The following CDC14B variants were observed in gnomAD, a reference collection of about 807,000 sequenced individuals.
CDC14B encodes dual specificity protein phosphatase CDC14B.
Under a neutral mutation model 64.2 loss-of-function variants are expected in CDC14B, and 22 were observed. That is an observed-to-expected ratio of 0.34 (90% confidence interval 0.24 to 0.49). The LOEUF (loss-of-function observed/expected upper bound fraction) is 0.49. CDC14B is among the 20% of genes least tolerant of loss of function. The pLI is 0.99. For missense variants in CDC14B, 498 were observed against 629.9 expected (o/e 0.79, Z 2.24); for synonymous variants, 191 against 215.8 (o/e 0.89, Z 1.01).
chr9:96,577,863 C>A (rs2118229102), intron 1 of CDC14B, among the ~76,000 whole-genome samples: 1 of 152,200 alleles, frequency 6.6e-6, no homozygotes, highest in South Asian at 2.1e-4. Context: ...TTATAATAGG[C>A]AAACACTGAA....
chr9:96,495,227 G>C (rs2131179871), downstream of CDC14B, among the ~76,000 whole-genome samples: 1 of 152,300 alleles, frequency 6.6e-6, no homozygotes, highest in South Asian at 2.1e-4. Context: ...AGGAGTGCCT[G>C]CCATGTGGCA....
At chr9:96,614,020 CCATTA>C (rs933703994) in intron 1 of CDC14B, among the ~76,000 whole-genome samples, 3 of 152,054 alleles carry the variant, frequency 2.0e-5, no homozygotes, top group African/African-American at 7.2e-5. Flanking sequence ...CAATATATCA[CCATTA>C]ATTAGTGCTT....
chr9:96,599,110 T>A (rs1846264827), intron 1 of CDC14B, among the ~76,000 whole-genome samples: 1 of 152,344 alleles, frequency 6.6e-6, no homozygotes, highest in Admixed American at 6.5e-5. Flanking sequence ...CCGGGTGTGG[T>A]GGCTCACACC....
chr9:96,603,028 C>G (rs566413948), intron 1 of CDC14B, among the ~76,000 whole-genome samples: 1 of 152,090 alleles, frequency 6.6e-6, no homozygotes, highest in East Asian at 1.9e-4. Flanking sequence ...GAAGCTTAAC[C>G]ATCCGTTAAG....
intron 4 of CDC14B, among the ~76,000 whole-genome samples, chr9:96,554,233 T>C (rs1353280311): frequency 1.3e-5 from 2 of 152,068 alleles, no homozygotes; most frequent in Non-Finnish European, 2.9e-5. Context: ...AAAAACACCT[T>C]GAAGCCAATA....
chr9:96,518,265 C>G (rs950317489), intron 12 of CDC14B, among the ~76,000 whole-genome samples: 11 of 152,066 alleles, frequency 7.2e-5, no homozygotes, highest in Non-Finnish European at 1.5e-5. Context: ...GCCTGTAATC[C>G]CAGCACTTTA....
intron 12 of CDC14B, chr9:96,514,672 A>G: frequency 1.0e-6 from 1 of 985,472 alleles, no homozygotes; most frequent in Non-Finnish European, 1.2e-6. Context: ...CAAGTCCAAG[A>G]GGAGACAAGA....
Position 96,593,461 on chromosome 9 carries a change from C to T in CDC14B, c.160+25758G>A, listed in dbSNP as rs1016877837. Among the ~76,000 whole-genome samples, 19 of 140,508 alleles carry T rather than the reference C, an allele frequency of 1.4e-4. No individual in the cohort carries two copies. The South Asian group carries it at 3.5e-3, about 26-fold the overall frequency. 92.2% of individuals were successfully genotyped at this position (140,508 alleles called of 152,430 possible). A position where few individuals can be genotyped will look rare whatever the true frequency, so the allele number is the denominator to read the frequency against. ...GAGATGGCACCACTGCACTCCAGAA[C>T]GGGCGACAGAGCAAGACTTGGTCTC... On this transcript the variant is annotated intron_variant, in intron 1 of 13. Coordinates refer to ENST00000375241, the MANE Select transcript of CDC14B (RefSeq NM_033331.4).
chr9:96,582,252 T>C (rs1361064118), intron 1 of CDC14B, among the ~76,000 whole-genome samples: 1 of 152,242 alleles, frequency 6.6e-6, no homozygotes, highest in East Asian at 1.9e-4. Flanking sequence ...AGACCTATGC[T>C]AACATTCTTA....
chr9:96,572,419 G>A (rs1243537301), intron 1 of CDC14B, among the ~76,000 whole-genome samples: 1 of 152,134 alleles, frequency 6.6e-6, no homozygotes, highest in Non-Finnish European at 1.5e-5. Context: ...TGTCAGAATT[G>A]AATAGGAGGA....
intron 9 of CDC14B, among the ~76,000 whole-genome samples, chr9:96,526,017 A>G (rs887497471): frequency 1.3e-5 from 2 of 152,180 alleles, no homozygotes; most frequent in African/African-American, 4.8e-5. Flanking sequence ...CTTTACGGAA[A>G]TAAATAAGGT....
At chr9:96,521,119 G>C (rs1484727103) in intron 12 of CDC14B, among the ~76,000 whole-genome samples, 1 of 152,142 alleles carries the variant, frequency 6.6e-6, no homozygotes, top group East Asian at 1.9e-4. Context: ...ACCCAGGCTG[G>C]AGTGCAATGG....
intron 1 of CDC14B, among the ~76,000 whole-genome samples, chr9:96,588,899 GTGA>G (rs763984161): frequency 1.3e-5 from 2 of 152,194 alleles, no homozygotes; most frequent in Non-Finnish European, 2.9e-5. Context: ...TTATAACAAA[GTGA>G]TGTTTAGCTT....
intron 12 of CDC14B, among the ~76,000 whole-genome samples, chr9:96,519,132 TCTC>T (rs1836252564): frequency 1.3e-5 from 2 of 151,958 alleles, no homozygotes; most frequent in Non-Finnish European, 2.9e-5. Flanking sequence ...CGATACTCTG[TCTC>T]AAAAATAAAA....
intron 1 of CDC14B, among the ~76,000 whole-genome samples, chr9:96,599,918 A>G (rs7869894): frequency 0.2 from 30,558 of 151,846 alleles, 6,540 homozygotes; most frequent in African/African-American, 0.53. Flanking sequence ...TTTCAGTAGA[A>G]ACGGGGTTTC....
At chr9:96,594,560 CAT>C (rs1004705988) in intron 1 of CDC14B, among the ~76,000 whole-genome samples, 2 of 151,652 alleles carry the variant, frequency 1.3e-5, no homozygotes, top group Non-Finnish European at 2.9e-5. Context: ...TTACTGAAAA[CAT>C]AAAAATTGGC....
intron 12 of CDC14B, among the ~76,000 whole-genome samples, chr9:96,519,917 G>A (rs1167653175): frequency 1.3e-5 from 2 of 152,162 alleles, no homozygotes; most frequent in African/African-American, 2.4e-5. Context: ...AAATCAATGA[G>A]TCAAACTTGG....
In CDC14B at chr9:96,509,540, C is replaced by T. The variant is rs572897585; in HGVS notation, c.1460+133G>A. On this transcript the variant is annotated intron_variant, in intron 13 of 13. Coordinates refer to ENST00000375241, the MANE Select transcript of CDC14B (RefSeq NM_033331.4). Reference sequence around the variant, plus strand: ...TCTTAGATAATGAACAAGGAATACACATTTGATGAATTTCCCATCACAGAG... The same window carrying T: ...TCTTAGATAATGAACAAGGAATACATATTTGATGAATTTCCCATCACAGAG... 138 of 719,692 alleles carry T rather than the reference C, an allele frequency of 1.9e-4. 1 individual carries two copies. Among genetic ancestry groups the T allele is most frequent in the South Asian group, 1.4e-3 (89 of 62,912 alleles). The allele number at this position is 719,692 out of a possible 1,614,324, so 44.6% of individuals were successfully genotyped here.
At chr9:96,521,231 C>G (rs1203540208) in intron 12 of CDC14B, among the ~76,000 whole-genome samples, 1 of 152,070 alleles carries the variant, frequency 6.6e-6, no homozygotes, top group Non-Finnish European at 1.5e-5. Context: ...CAGCTCCCAC[C>G]ATCATGCCCG....
Sources: allele counts gnomAD v4.1 joint callset (sites outside exome capture counted in the v4.1 genomes callset), GRCh38; gene constraint gnomAD v4.1.1; transcripts MANE v1.5; gene names NCBI Gene and HGNC (gene_info 2026-07-23, HGNC 2026-07-21).